The following SRSF5 variants were observed in gnomAD, a reference collection of about 807,000 sequenced individuals.
The protein encoded by SRSF5 is serine and arginine rich splicing factor 5, also known as serine/arginine-rich splicing factor 5.
Under a neutral mutation model 34.0 loss-of-function variants are expected in SRSF5, and 5 were observed. That is an observed-to-expected ratio of 0.15 (90% confidence interval 0.08 to 0.31). The LOEUF is 0.31. Among genes scored for constraint, SRSF5 ranks in the 10% least tolerant of loss-of-function variants. The pLI, the probability that SRSF5 is intolerant of heterozygous loss-of-function variation, is 1.00. For missense variants in SRSF5, 223 were observed against 351.4 expected, an observed-to-expected ratio of 0.63 and a Z score of 2.92; for synonymous variants, 164 against 117.7, an observed-to-expected ratio of 1.39 and a Z score of -2.55.
At chr14:69,769,381 A>G in intron 5 of SRSF5, 130 bp downstream of exon 5, 1 of 1,500,440 alleles carries the variant, frequency 6.7e-7, no homozygotes, top group East Asian at 2.5e-5. Flanking sequence ...AATTTTAAAC[A>G]TTTAATTAAA....
Position 69,771,753 on chromosome 14 carries a change from A to AT in SRSF5, c.*299dup, listed in dbSNP as rs1322482819. On this transcript the variant is annotated 3_prime_UTR_variant, in exon 8 of 8. Transcript: ENST00000557154. ...CTCTTTTATAACTAAAGCAAATTTA[A>AT]TTTTTTTGTACTAGAAAAAAATTTG... 1 of 277,344 alleles carries AT rather than the reference A, an allele frequency of 3.6e-6. No individual in the cohort carries two copies. Among genetic ancestry groups the AT allele is most frequent in the African/African-American group, 2.2e-5 (1 of 45,226 alleles). 17.2% of individuals were successfully genotyped at this position (277,344 alleles called of 1,614,324 possible).
rs1883023039 is a variant in SRSF5 at position 69,770,138 on chromosome 14, T to G, written c.367-329T>G. ...AAATAAAACTTCTCTACTTTAGTCT[T>G]TACTTTAAAAATATGTACTGTTTCC... On this transcript the variant is annotated intron_variant, in intron 5 of 7. Coordinates refer to ENST00000557154, the MANE Select transcript of SRSF5 (RefSeq NM_001320214.2). The G allele has an allele frequency of 2.8e-6, 3 of 1,057,104 alleles. No homozygotes were observed. In the East Asian group the frequency reaches 2.2e-4, roughly 78 times the overall value. 65.5% of individuals were successfully genotyped at this position (1,057,104 alleles called of 1,614,324 possible). A position where few individuals can be genotyped will look rare whatever the true frequency, so the allele number is the denominator to read the frequency against.
At chr14:69,770,328 A>G (rs1883048812) in intron 5 of SRSF5, 139 bp from the exon 6 acceptor site, 1 of 1,427,808 alleles carries the variant, frequency 7.0e-7, no homozygotes, top group Non-Finnish European at 9.2e-7. Flanking sequence ...GAATTCTGAT[A>G]GAATACAAGT....
At position 69,767,165 on chromosome 14, in the gene SRSF5, G is replaced by T. The variant is rs943263606; in HGVS notation, c.-110G>T. 2 of 341,104 alleles carry T rather than the reference G, an allele frequency of 5.9e-6. No individual in the cohort carries two copies. Among genetic ancestry groups the T allele is most frequent in the Middle Eastern group, 1.1e-3 (1 of 924 alleles). The allele number at this position is 341,104 out of a possible 1,614,324, so 21.1% of individuals were successfully genotyped here. ...GCGTCAGTTGTGGAGTGGCGTAGAC[G>T]AGTTAAGTCCTGGTCTGCGTGGAGG... On this transcript the variant is annotated 5_prime_UTR_variant, in exon 1 of 8. Coordinates refer to ENST00000557154, the MANE Select transcript of SRSF5 (RefSeq NM_001320214.2).
intron 5 of SRSF5, chr14:69,769,996 C>T (rs1459246254): frequency 9.7e-7 from 1 of 1,030,274 alleles, no homozygotes; most frequent in Non-Finnish European, 1.2e-6. Context: ...TTTCTCCGAC[C>T]GATTAATGGT....
rs918555674 is a variant in SRSF5 at position 69,771,788 on chromosome 14, G to T, written c.*327G>T. The T allele has an allele frequency of 5.7e-5, 13 of 230,064 alleles. No homozygotes were observed. Among genetic ancestry groups the T allele is most frequent in the Admixed American group, 4.6e-4 (9 of 19,430 alleles). 14.3% of individuals were successfully genotyped at this position (230,064 alleles called of 1,614,324 possible). A position where few individuals can be genotyped will look rare whatever the true frequency, so the allele number is the denominator to read the frequency against. ...ACTAGAAAAAAATTTGAACATTTTA[G>T]TTCTTGGTTATAAAAATGTTAATTC... On this transcript the variant is annotated 3_prime_UTR_variant, in exon 8 of 8. Transcript: ENST00000557154.
rs1406723977 is a variant in SRSF5, at chr14:69,767,275, G to A, written c.-20+20G>A. ...CGGTAGGTGAGTGGCTCACTTTGAG[G>A]GCAAGCCTTCTCGGATCGAGGCTTC... On this transcript the variant is annotated intron_variant, in intron 1 of 7. Transcript: ENST00000557154. 7.4e-6 allele frequency: 3 copies of A among 403,030 alleles called. No individual in the cohort carries two copies. Among genetic ancestry groups the A allele is most frequent in the African/African-American group, 4.2e-5 (2 of 47,206 alleles). The allele number at this position is 403,030 out of a possible 1,614,324, so 25.0% of individuals were successfully genotyped here.
At position 69,771,222 on chromosome 14, in the gene SRSF5, A is replaced by T. The variant is rs144700248; in HGVS notation, c.580A>T (p.Thr194Ser). The T allele has an allele frequency of 8.7e-6, 14 of 1,614,038 alleles. No individual in the cohort carries two copies. The African/African-American group carries it at 1.6e-4, about 18-fold the overall frequency. The change falls in exon 8 of 8, where the codon ACC becomes TCC. Residue 194 changes from threonine (T) to serine (S), a missense_variant. Physicochemically the swap from Thr to Ser is moderately conservative, Grantham distance 58. Transcript: ENST00000557154. Reference protein sequence around the residue: ...SRSRSRSRSRTRSSSRSRSRS... With the variant: ...SRSRSRSRSRSRSSSRSRSRS... ...GTCAAGAAGCAGGTCTCGATCCCGG[A>T]CCAGAAGTTCCTCTAGGTCTCGTAG...
At chr14:69,768,972 G>C in intron 4 of SRSF5, 76 bp downstream of exon 4, 1 of 1,486,596 alleles carries the variant, frequency 6.7e-7, no homozygotes. Flanking sequence ...CATTAGCAGT[G>C]ATGATTTTGG....
At chr14:69,767,484 G>A (rs565468033) in intron 1 of SRSF5, 3 of 455,916 alleles carry the variant, frequency 6.6e-6, no homozygotes, top group Non-Finnish European at 1.3e-5. Flanking sequence ...TTGTGCGCCC[G>A]TCCCTGCCAG....
At chr14:69,771,160 C>T (rs753616210) in intron 7 of SRSF5, 34 bp from the exon 8 acceptor site, 42 of 1,613,466 alleles carry the variant, frequency 2.6e-5, no homozygotes, top group Admixed American at 3.3e-5. Flanking sequence ...GTTGTAGAGT[C>T]TTATCTAGGC....
At chr14:69,768,575 A>T in intron 2 of SRSF5, 29 bp from the exon 3 acceptor site, 4 of 1,605,076 alleles carry the variant, frequency 2.5e-6, no homozygotes, top group Non-Finnish European at 3.4e-6. Context: ...TCTAAAGCCA[A>T]TGTTAAGAGT....
chr14:69,769,637 C>T, intron 5 of SRSF5: 1 of 1,533,668 alleles, frequency 6.5e-7, no homozygotes, highest in South Asian at 1.2e-5. Context: ...TTGGCCACCT[C>T]TAGATCTGTG....
chr14:69,768,927 A>T, intron 4 of SRSF5, 31 bp downstream of exon 4: 1 of 1,598,080 alleles, frequency 6.3e-7, no homozygotes, highest in Non-Finnish European at 8.6e-7. Context: ...TGCATTGAAC[A>T]ATTATTGTAG....
intron 5 of SRSF5, 57 bp downstream of exon 5, chr14:69,769,308 G>A: frequency 1.2e-6 from 2 of 1,605,156 alleles, no homozygotes; most frequent in Non-Finnish European, 1.7e-6. Context: ...AAAGTTAATG[G>A]GTAGCTAATG....
intron 6 of SRSF5, 87 bp from the exon 7 acceptor site, chr14:69,770,908 C>A (rs774912422): frequency 1.7e-6 from 2 of 1,169,130 alleles, no homozygotes; most frequent in Non-Finnish European, 2.4e-6. Context: ...CAAAAGTGAA[C>A]ATAGAAACGA....
rs1883220459 is a variant in SRSF5, at chr14:69,771,625, C to T, written c.*164C>T. The T allele has an allele frequency of 2.6e-6, 2 of 779,004 alleles. No homozygotes were observed. Among genetic ancestry groups the T allele is most frequent in the South Asian group, 3.8e-5 (2 of 52,812 alleles). The allele number at this position is 779,004 out of a possible 1,614,324, so 48.3% of individuals were successfully genotyped here. A position where few individuals can be genotyped will look rare whatever the true frequency, so the allele number is the denominator to read the frequency against. ...GGATATCTTTGTAGATGTGGACCAC[C>T]AAGGGGTTGTTGAAAACTAATTGTA... On this transcript the variant is annotated 3_prime_UTR_variant, in exon 8 of 8. Coordinates refer to ENST00000557154, the MANE Select transcript of SRSF5 (RefSeq NM_001320214.2).
At position 69,771,672 on chromosome 14, in the gene SRSF5, T is replaced by G. The variant is rs1012241370; in HGVS notation, c.*211T>G. 10 of 579,050 alleles carry G rather than the reference T, an allele frequency of 1.7e-5. No individual in the cohort carries two copies. Among genetic ancestry groups the G allele is most frequent in the African/African-American group, 3.7e-5 (2 of 53,488 alleles). 35.9% of individuals were successfully genotyped at this position (579,050 alleles called of 1,614,324 possible). A position where few individuals can be genotyped will look rare whatever the true frequency, so the allele number is the denominator to read the frequency against. On this transcript the variant is annotated 3_prime_UTR_variant, in exon 8 of 8. Coordinates refer to ENST00000557154, the MANE Select transcript of SRSF5 (RefSeq NM_001320214.2). The stretch of plus-strand genomic sequence containing the variant: ...TGTATTAAATGTCTTTTGATAAGCC[T>G]TCTGCTCACATTTTTGTGAATGTCT...
chr14:69,768,346 T>G (rs988829910), intron 2 of SRSF5, 64 bp downstream of exon 2: 1 of 1,596,718 alleles, frequency 6.3e-7, no homozygotes, highest in Non-Finnish European at 8.6e-7. Flanking sequence ...GCAGTTGTTT[T>G]CGATCTTGAG....
Sources: gnomAD v4.1 joint callset for allele counts on GRCh38, gnomAD v4.1.1 for gene constraint, MANE v1.5 for transcripts, NCBI Gene and HGNC (gene_info 2026-07-23, HGNC 2026-07-21) for gene names.